The following COL21A1 variants were observed in gnomAD, a reference collection of about 807,000 sequenced individuals.
COL21A1 encodes the protein collagen type XXI alpha 1 chain, also known as collagen alpha-1(XXI) chain.
In COL21A1, 149 loss-of-function variants were observed where a neutral mutation model predicts 137.9. That is an observed-to-expected ratio of 1.08 (90% CI 0.95 to 1.24). COL21A1 has a LOEUF of 1.24. COL21A1 is among the 50% of genes most tolerant of loss of function. COL21A1 has a pLI of 0.00. For missense variants in COL21A1, 1,167 were observed against 1,158.4 expected (o/e 1.01, Z -0.11); for synonymous variants, 456 against 391.5 (o/e 1.16, Z -1.95).
At chr6:56,166,196 T>C (rs1776568575) in intron 7 of COL21A1, among the ~76,000 whole-genome samples, 1 of 151,848 alleles carries the variant, frequency 6.6e-6, no homozygotes, top group Admixed American at 6.6e-5. Flanking sequence ...GTCCACATGT[T>C]TAATGTACAT....
At chr6:56,207,971 AAAATT>A (rs1198690484) in intron 1 of COL21A1, among the ~76,000 whole-genome samples, 12 of 152,306 alleles carry the variant, frequency 7.9e-5, no homozygotes, top group African/African-American at 2.6e-4. Flanking sequence ...GGCCTTCGAC[AAAATT>A]CAACAGCCCT....
intron 1 of COL21A1, among the ~76,000 whole-genome samples, chr6:56,252,678 G>C (rs145325008): frequency 3.0e-3 from 464 of 152,198 alleles, no homozygotes; most frequent in Non-Finnish European, 5.3e-3. Flanking sequence ...TTTAGCTTGG[G>C]TCACCTATTG....
chr6:56,061,334 T>C (rs1765783065), intron 25 of COL21A1, among the ~76,000 whole-genome samples: 1 of 152,124 alleles, frequency 6.6e-6, no homozygotes, highest in East Asian at 1.9e-4. Context: ...CACAGTCCTA[T>C]TCACAAGGAG....
intron 7 of COL21A1, 61 bp from the exon 8 acceptor site, chr6:56,164,883 C>A: frequency 1.6e-6 from 2 of 1,239,880 alleles, no homozygotes; most frequent in East Asian, 5.2e-5. Flanking sequence ...AAATTATCAG[C>A]CTAATTTACA....
intron 1 of COL21A1, among the ~76,000 whole-genome samples, chr6:56,337,459 T>G (rs7760392): frequency 0.22 from 33,348 of 152,186 alleles, 4,218 homozygotes; most frequent in African/African-American, 0.35. Flanking sequence ...AAAACTATCA[T>G]GATCAAAATG....
chr6:56,386,785 C>T (rs6921371), intron 1 of COL21A1, among the ~76,000 whole-genome samples: 3,207 of 152,026 alleles, frequency 0.021, 103 homozygotes, highest in African/African-American at 0.072. Context: ...AGTAGAAAAG[C>T]CAGTTTTCCA....
At chr6:56,261,116 T>C (rs1763263280) in intron 1 of COL21A1, among the ~76,000 whole-genome samples, 1 of 151,980 alleles carries the variant, frequency 6.6e-6, no homozygotes, top group Non-Finnish European at 1.5e-5. Context: ...GATCTTTCAA[T>C]GGTCTGTGAA....
intron 1 of COL21A1, among the ~76,000 whole-genome samples, chr6:56,375,452 C>A (rs1224767039): frequency 6.6e-6 from 1 of 152,160 alleles, no homozygotes; most frequent in Non-Finnish European, 1.5e-5. Context: ...TCCTTCCTGG[C>A]CAGATGACAG....
rs138181170 is a variant in COL21A1 at position 56,388,285 on chromosome 6, G to A, written c.-39+5686C>T. The stretch of plus-strand genomic sequence containing the variant: ...AGTAGTCAGGCAGTAGTTGCTACGG[G>A]CCTTGGGTGAGACCCAGTACTGCAT... On this transcript the variant is annotated intron_variant, in intron 1 of 28. Transcript: ENST00000370819. Among the ~76,000 whole-genome samples the A allele has an allele frequency of 3.7e-3, 565 of 152,248 alleles. 5 individuals carry two copies. The highest frequency in any genetic ancestry group is 0.013 in the African/African-American group (548 of 41,548).
At chr6:56,288,232 A>G (rs72866945) in intron 1 of COL21A1, among the ~76,000 whole-genome samples, 25,977 of 139,812 alleles carry the variant, frequency 0.19, 2,615 homozygotes, top group Non-Finnish European at 0.22. Flanking sequence ...ACTCCAGCTT[A>G]TTACATTTTA....
intron 1 of COL21A1, among the ~76,000 whole-genome samples, chr6:56,184,447 AAT>A (rs1368349231): frequency 2.6e-5 from 4 of 152,198 alleles, no homozygotes; most frequent in Non-Finnish European, 4.4e-5. Context: ...AATGAAAAAA[AAT>A]AAGCAGAGAC....
intron 12 of COL21A1, among the ~76,000 whole-genome samples, chr6:56,132,415 T>C (rs1401615933): frequency 2.0e-5 from 3 of 152,054 alleles, no homozygotes; most frequent in Non-Finnish European, 4.4e-5. Flanking sequence ...ATTTTGATTA[T>C]AAAGAATAAT....
chr6:56,070,484 A>G (rs976847932), intron 21 of COL21A1, among the ~76,000 whole-genome samples: 3 of 151,610 alleles, frequency 2.0e-5, no homozygotes, highest in Admixed American at 6.6e-5. Flanking sequence ...ACCAGAAAGT[A>G]AGTTCATGTT....
Position 56,180,015 on chromosome 6 carries a change from T to G in COL21A1, c.203A>C (p.Asp68Ala). The change falls in exon 3 of 30, where the codon GAC (aspartate) becomes GCC (alanine). Residue 68 changes from aspartate (D) to alanine (A), a missense_variant. Transcript: ENST00000244728. ...AACTTGAATAAACTTCGGCCCTATG[T>G]CAAAGTTTTTTGTGATATTGACAAG... ...KWLVNITKNF[D>A]IGPKFIQVGV... is the part of the protein sequence containing the mutation. 1 of 1,613,784 alleles carries G rather than the reference T, an allele frequency of 6.2e-7. No homozygotes were observed. The highest frequency in any genetic ancestry group is 8.5e-7 in the Non-Finnish European group (1 of 1,179,792).
intron 16 of COL21A1, among the ~76,000 whole-genome samples, chr6:56,110,933 T>G (rs1771371406): frequency 6.6e-6 from 1 of 152,154 alleles, no homozygotes; most frequent in Non-Finnish European, 1.5e-5. Flanking sequence ...CTCTTCCCTC[T>G]AAGATTTGGA....
At chr6:56,283,503 T>C (rs1415974815) in intron 1 of COL21A1, among the ~76,000 whole-genome samples, 1 of 152,186 alleles carries the variant, frequency 6.6e-6, no homozygotes, top group Non-Finnish European at 1.5e-5. Context: ...CTATTATGAA[T>C]AATTCTTATT....
At chr6:56,127,576 C>A (rs1353236474) in intron 12 of COL21A1, among the ~76,000 whole-genome samples, 1 of 152,092 alleles carries the variant, frequency 6.6e-6, no homozygotes, top group Non-Finnish European at 1.5e-5. Flanking sequence ...CTTTCTGATA[C>A]CTTAAATCTC....
intron 1 of COL21A1, among the ~76,000 whole-genome samples, chr6:56,218,708 C>T (rs1429063956): frequency 1.3e-5 from 2 of 151,956 alleles, no homozygotes; most frequent in African/African-American, 4.8e-5. Context: ...TTTTCTTATT[C>T]GAGTTGAAAA....
intron 22 of COL21A1, among the ~76,000 whole-genome samples, chr6:56,067,535 T>C (rs752547001): frequency 6.6e-6 from 1 of 151,786 alleles, no homozygotes; most frequent in East Asian, 1.9e-4. Flanking sequence ...AAGAACACTT[T>C]TGTATGCTCC....
Sources: allele counts gnomAD v4.1 joint callset (sites outside exome capture counted in the v4.1 genomes callset), GRCh38; gene constraint gnomAD v4.1.1; transcripts MANE v1.5; gene names NCBI Gene and HGNC (gene_info 2026-07-23, HGNC 2026-07-21).